Variants in MMS19 observed in about 807,000 individuals in gnomAD.
MMS19 encodes the protein MMS19 nucleotide excision repair protein homolog.
Under a neutral mutation model 129.8 loss-of-function variants are expected in MMS19, and 77 were observed. The ratio of observed to expected loss-of-function variants is 0.59; its 90% CI spans 0.49 to 0.72. The LOEUF is 0.72. MMS19 is among the 30% of genes least tolerant of loss of function. The probability of loss-of-function intolerance (pLI) is 0.00; values close to 1 mark genes in which losing one functional copy is unlikely to be tolerated. For synonymous variants in MMS19, 491 were observed against 502.8 expected, an observed-to-expected ratio of 0.98 and a Z score of 0.31; for missense variants, 1,168 against 1,266.3, an observed-to-expected ratio of 0.92 and a Z score of 1.18.
intron 1 of MMS19, among the ~76,000 whole-genome samples, chr10:97,487,318 CTTTTTTT>C (rs201462938): frequency 0.3 from 41,146 of 137,708 alleles, 5,913 homozygotes; most frequent in East Asian, 0.48. Flanking sequence ...GAGAAAATTT[CTTTTTTT>C]TTTTTTTTTT....
Position 97,483,362 on chromosome 10 carries a change from A to T in MMS19, c.161+741T>A, listed in dbSNP as rs1333677750. ...AGCCACTGCACCCAGCCAATACTGT[A>T]TATATTTTTTTTAATGGACCAAGGC... On this transcript the variant is annotated intron_variant, in intron 2 of 30. Transcript: ENST00000438925. 3.9e-5 allele frequency among the ~76,000 whole-genome samples: 6 copies of T among 152,146 alleles called. 1 individual carries two copies. Among genetic ancestry groups the T allele is most frequent in the Non-Finnish European group, 5.9e-5 (4 of 67,988 alleles).
At chr10:97,473,884 T>C (rs2035246905) in intron 8 of MMS19, among the ~76,000 whole-genome samples, 1 of 151,930 alleles carries the variant, frequency 6.6e-6, no homozygotes, top group South Asian at 2.1e-4. Context: ...GGCTTATGCC[T>C]GTAATCCCAA....
At chr10:97,467,986 T>C (rs567649051) in intron 13 of MMS19, among the ~76,000 whole-genome samples, 4 of 145,752 alleles carry the variant, frequency 2.7e-5, no homozygotes, top group Non-Finnish European at 4.6e-5. Context: ...TTAAAAAAAA[T>C]TTTTTTTTTT....
intron 19 of MMS19, 48 bp downstream of exon 19, chr10:97,463,810 G>A: frequency 6.4e-7 from 1 of 1,568,632 alleles, no homozygotes; most frequent in Non-Finnish European, 8.7e-7. Flanking sequence ...TTCAACACCA[G>A]CAGAGGGCAA....
chr10:97,462,141 T>C, intron 20 of MMS19, 22 bp from the exon 21 acceptor site: 1 of 1,521,870 alleles, frequency 6.6e-7, no homozygotes. Context: ...GTACTAGGTA[T>C]GACCAAGGAG....
At chr10:97,461,939 C>T (rs1160135290) in intron 21 of MMS19, 43 bp from the exon 22 acceptor site, 14 of 1,575,446 alleles carry the variant, frequency 8.9e-6, no homozygotes, top group Non-Finnish European at 1.2e-5. Context: ...CAGCAATAAG[C>T]TTGTCTGCCC....
In MMS19 at chr10:97,466,823, A is replaced by G. The variant is rs747948023; in HGVS notation, c.1376T>C (p.Leu459Pro). The G allele has an allele frequency of 6.2e-7, 1 of 1,614,034 alleles. No individual in the cohort carries two copies. The highest frequency in any genetic ancestry group is 1.1e-5 in the South Asian group (1 of 91,084). The stretch of plus-strand genomic sequence containing the variant: ...CAGTGTACGGATGCCAACAAGCTGA[A>G]GCTGGGTGCTGGGGTCTGTTAGAGC... ...FMALTDPSTQ[L>P]QLVGIRTLTV... Residue 459 changes from leucine to proline, a missense_variant, in exon 15 of 31, where the codon CTT becomes CCT. Coordinates refer to ENST00000438925, the MANE Select transcript of MMS19 (RefSeq NM_022362.5).
In MMS19 at chr10:97,461,532, T is replaced by C; in HGVS notation, c.2275A>G (p.Lys759Glu). The change falls in exon 23 of 31, where the codon AAG (lysine) becomes GAG (glutamate). Residue 759 changes from lysine (K) to glutamate (E), a missense_variant. Transcript: ENST00000438925. Reference sequence around the variant, plus strand: ...TTGTTGAGGAGTCCTGCAAAGCACTTGGCAGCAGCGGTGGAAGAAAAGGGG... The same window carrying C: ...TTGTTGAGGAGTCCTGCAAAGCACTCGGCAGCAGCGGTGGAAGAAAAGGGG... ...SCPFSSTAAA[K>E]CFAGLLNKHP... 1 of 1,605,664 alleles carries C rather than the reference T, an allele frequency of 6.2e-7. No homozygotes were observed. Among genetic ancestry groups the C allele is most frequent in the South Asian group, 1.1e-5 (1 of 89,218 alleles).
At chr10:97,488,721 A>C (rs1328181105) in intron 1 of MMS19, among the ~76,000 whole-genome samples, 10 of 152,220 alleles carry the variant, frequency 6.6e-5, no homozygotes, top group Non-Finnish European at 1.0e-4. Context: ...TTTTTCCCCC[A>C]AATACTTTTG....
chr10:97,495,828 C>T (rs1434970496), intron 1 of MMS19, among the ~76,000 whole-genome samples: 1 of 152,272 alleles, frequency 6.6e-6, no homozygotes, highest in Admixed American at 6.5e-5. Context: ...GTTGCCCAGG[C>T]TGGAGTGCAG....
intron 8 of MMS19, among the ~76,000 whole-genome samples, chr10:97,472,779 T>C (rs914546014): frequency 1.3e-5 from 2 of 151,924 alleles, no homozygotes; most frequent in Admixed American, 6.6e-5. Context: ...CAGTTAATTT[T>C]TGTATTTCTT....
chr10:97,492,885 T>C (rs914280930), intron 1 of MMS19, among the ~76,000 whole-genome samples: 2 of 149,072 alleles, frequency 1.3e-5, no homozygotes, highest in African/African-American at 2.5e-5. Context: ...AAAAGCCATA[T>C]GTTCGTTTTC....
chr10:97,472,129 G>T (rs1052391330), intron 8 of MMS19, among the ~76,000 whole-genome samples: 1 of 152,146 alleles, frequency 6.6e-6, no homozygotes, highest in African/African-American at 2.4e-5. Flanking sequence ...CAATGTATCG[G>T]GGTGAACCAA....
intron 2 of MMS19, among the ~76,000 whole-genome samples, chr10:97,481,457 G>C (rs2036783927): frequency 6.6e-6 from 1 of 152,084 alleles, no homozygotes; most frequent in Non-Finnish European, 1.5e-5. Flanking sequence ...AAAACAAGGA[G>C]AATACGTGTA....
At chr10:97,466,936 C>T in intron 14 of MMS19, 35 bp from the exon 15 acceptor site, 1 of 1,611,968 alleles carries the variant, frequency 6.2e-7, no homozygotes, top group Non-Finnish European at 8.5e-7. Flanking sequence ...TAGAAGGAAG[C>T]CACTGCATTC....
intron 2 of MMS19, among the ~76,000 whole-genome samples, chr10:97,481,891 A>G (rs946544866): frequency 4.6e-5 from 7 of 152,204 alleles, no homozygotes; most frequent in Non-Finnish European, 8.8e-5. Context: ...AAAACTGTGC[A>G]TTCAGGTTGG....
intron 13 of MMS19, among the ~76,000 whole-genome samples, chr10:97,467,811 G>A (rs2033829951): frequency 6.6e-6 from 1 of 151,422 alleles, no homozygotes; most frequent in African/African-American, 2.4e-5. Context: ...CTACAGATGC[G>A]TGCCACCTTA....
intron 1 of MMS19, among the ~76,000 whole-genome samples, chr10:97,485,665 G>T (rs10882943): frequency 6.6e-6 from 1 of 151,768 alleles, no homozygotes; most frequent in African/African-American, 2.4e-5. Context: ...CCAGGCTGGT[G>T]TTGAACTCCT....
In MMS19 at chr10:97,463,900, T is replaced by A. The variant is rs1344725436; in HGVS notation, c.1870A>T (p.Ile624Leu). ...ACAGCCAAGGCAAGCAGGCAAGGTATAGCTGTCTGGTGGAAATACCAGCAA... is the reference window on the plus strand; with the variant it reads ...ACAGCCAAGGCAAGCAGGCAAGGTAAAGCTGTCTGGTGGAAATACCAGCAA... ...ESCWYFHQTA[I>L]PCLLALAVQA... is the part of the protein sequence containing the mutation. Residue 624 changes from isoleucine (I) to leucine (L), a missense_variant, in exon 19 of 31, where the codon ATA becomes TTA. Coordinates refer to ENST00000438925, the MANE Select transcript of MMS19 (RefSeq NM_022362.5). 1 of 1,612,666 alleles carries A rather than the reference T, an allele frequency of 6.2e-7. No homozygotes were observed. The highest frequency in any genetic ancestry group is 2.2e-5 in the East Asian group (1 of 44,858).
Sources: allele counts gnomAD v4.1 joint callset (sites outside exome capture counted in the v4.1 genomes callset), GRCh38; gene constraint gnomAD v4.1.1; transcripts MANE v1.5; gene names NCBI Gene and HGNC (gene_info 2026-07-23, HGNC 2026-07-21).